WWP1: variants seen among roughly 807,000 people sequenced by gnomAD.
WWP1 encodes the protein NEDD4-like E3 ubiquitin-protein ligase WWP1.
Under a neutral mutation model 130.6 loss-of-function variants are expected in WWP1, and 49 were observed. The ratio of observed to expected loss-of-function variants is 0.38; its 90% confidence interval spans 0.30 to 0.48. The LOEUF is 0.48. WWP1 is among the 20% of genes least tolerant of loss of function. The pLI is 0.99. For synonymous variants in WWP1, 332 were observed against 367.8 expected (o/e 0.90, Z 1.11); for missense variants, 809 against 1,100.6 (o/e 0.74, Z 3.75).
chr8:86,414,225 T>TTG (rs1808742336), intron 9 of WWP1, among the ~76,000 whole-genome samples: 3 of 80,920 alleles, frequency 3.7e-5, no homozygotes, highest in Admixed American at 1.9e-4. Flanking sequence ...AAGTTTGTTT[T>TTG]TCTGTGTGTG....
At chr8:86,439,751 T>G (rs531897718) in intron 17 of WWP1, among the ~76,000 whole-genome samples, 9 of 152,210 alleles carry the variant, frequency 5.9e-5, no homozygotes, top group Non-Finnish European at 1.2e-4. Context: ...ATTTTGTCCC[T>G]TATTTGTTCT....
chr8:86,349,363 A>G (rs1357254459), intron 1 of WWP1, among the ~76,000 whole-genome samples: 1 of 152,232 alleles, frequency 6.6e-6, no homozygotes, highest in African/African-American at 2.4e-5. Context: ...GGGATACAGT[A>G]TCATTTCTGC....
chr8:86,359,391 A>G (rs1466827928), intron 1 of WWP1, among the ~76,000 whole-genome samples: 6 of 152,104 alleles, frequency 3.9e-5, no homozygotes, highest in African/African-American at 1.4e-4. Flanking sequence ...GATTGGTGCC[A>G]TTACTCAGCT....
rs561355148 is a variant in WWP1 at position 86,466,704 on chromosome 8, A to G, written c.2670-90A>G. On this transcript the variant is annotated intron_variant, in intron 24 of 24. Coordinates refer to ENST00000517970, the MANE Select transcript of WWP1 (RefSeq NM_007013.4). ...TAACATATATAGTATACATATATCC[A>G]TTCAGCATTTCTATGTGCTTTGAAA... 2.2e-5 allele frequency: 19 copies of G among 859,988 alleles called. No homozygotes were observed. The African/African-American group carries it at 2.7e-4, about 12-fold the overall frequency. The allele number at this position is 859,988 out of a possible 1,614,324, so 53.3% of individuals were successfully genotyped here. A position where few individuals can be genotyped will look rare whatever the true frequency, so the allele number is the denominator to read the frequency against.
chr8:86,454,688 A>T (rs192738829), intron 21 of WWP1, among the ~76,000 whole-genome samples: 1 of 152,062 alleles, frequency 6.6e-6, no homozygotes, highest in East Asian at 1.9e-4. Context: ...TGGGAGCCCT[A>T]TATTGAAGTG....
At chr8:86,441,868 A>G (rs1200586258) in intron 17 of WWP1, among the ~76,000 whole-genome samples, 2 of 152,210 alleles carry the variant, frequency 1.3e-5, no homozygotes, top group African/African-American at 4.8e-5. Flanking sequence ...ACCCTTCTTT[A>G]GAAGAAATTG....
intron 1 of WWP1, among the ~76,000 whole-genome samples, chr8:86,353,311 A>G (rs1454105796): frequency 1.3e-5 from 2 of 152,176 alleles, no homozygotes; most frequent in Non-Finnish European, 2.9e-5. Context: ...AGGATCCAAA[A>G]TCTGATCCTG....
At chr8:86,430,348 A>C (rs1170392383) in intron 11 of WWP1, among the ~76,000 whole-genome samples, 1 of 152,080 alleles carries the variant, frequency 6.6e-6, no homozygotes, top group African/African-American at 2.4e-5. Flanking sequence ...TAGTGTGATC[A>C]CAGTTCACTG....
chr8:86,387,276 G>T (rs1825336561), intron 5 of WWP1, among the ~76,000 whole-genome samples: 1 of 152,010 alleles, frequency 6.6e-6, no homozygotes, highest in Non-Finnish European at 1.5e-5. Flanking sequence ...TTATTGGAAA[G>T]ATATTTATAT....
intron 24 of WWP1, among the ~76,000 whole-genome samples, chr8:86,464,240 CTATT>C (rs757051807): frequency 2.0e-5 from 3 of 152,108 alleles, no homozygotes; most frequent in Non-Finnish European, 2.9e-5. Flanking sequence ...CCATTTCTAA[CTATT>C]TATCTGTGTG....
intron 3 of WWP1, among the ~76,000 whole-genome samples, chr8:86,378,279 T>A (rs1287243769): frequency 6.6e-6 from 1 of 152,192 alleles, no homozygotes; most frequent in Non-Finnish European, 1.5e-5. Context: ...TTGGAGCTAA[T>A]TGAAATATTT....
chr8:86,427,558 T>G, intron 10 of WWP1, 85 bp from the exon 11 acceptor site: 14 of 1,383,356 alleles, frequency 1.0e-5, no homozygotes, highest in Non-Finnish European at 1.3e-5. Flanking sequence ...GTCTTGAACT[T>G]GATATTTAAA....
At chr8:86,397,042 G>T (rs1807719948) in intron 5 of WWP1, among the ~76,000 whole-genome samples, 1 of 152,168 alleles carries the variant, frequency 6.6e-6, no homozygotes, top group Admixed American at 6.5e-5. Flanking sequence ...AGAAATTTCT[G>T]TCCGGTGATT....
rs114411299 is a variant in WWP1, at chr8:86,432,237, C to G, written c.1601+494C>G. Among the ~76,000 whole-genome samples, 547 of 152,266 alleles carry G rather than the reference C, an allele frequency of 3.6e-3. 2 individuals are homozygous for G. The highest frequency in any genetic ancestry group is 0.013 in the African/African-American group (520 of 41,538). ...CCTTAATTAAGCGGTTGACAGATCTCTCCTTCATTCTTACTCTAAGGTGTC... is the reference window on the plus strand; with the variant it reads ...CCTTAATTAAGCGGTTGACAGATCTGTCCTTCATTCTTACTCTAAGGTGTC... On this transcript the variant is annotated intron_variant, in intron 14 of 24. Coordinates refer to ENST00000517970, the MANE Select transcript of WWP1 (RefSeq NM_007013.4).
At chr8:86,382,233 T>G (rs1187072249) in intron 5 of WWP1, among the ~76,000 whole-genome samples, 2 of 152,188 alleles carry the variant, frequency 1.3e-5, no homozygotes, top group African/African-American at 2.4e-5. Flanking sequence ...AATATTAAGT[T>G]TCCATGATAC....
intron 1 of WWP1, among the ~76,000 whole-genome samples, chr8:86,366,388 C>T (rs1276753106): frequency 1.3e-5 from 2 of 152,110 alleles, no homozygotes; most frequent in Non-Finnish European, 2.9e-5. Flanking sequence ...TTGGAAATGT[C>T]TTTGATTAGG....
At position 86,468,426 on chromosome 8, in the gene WWP1, A is replaced by G. The variant is rs1812285265; in HGVS notation, c.*1533A>G. The G allele has an allele frequency of 2.3e-6, 1 of 436,888 alleles. No individual in the cohort carries two copies. Among genetic ancestry groups the G allele is most frequent in the South Asian group, 1.7e-5 (1 of 59,832 alleles). 27.1% of individuals were successfully genotyped at this position (436,888 alleles called of 1,614,324 possible). On this transcript the variant is annotated 3_prime_UTR_variant, in exon 25 of 25. Coordinates refer to ENST00000517970, the MANE Select transcript of WWP1 (RefSeq NM_007013.4). ...GAACACTCTGGTAATTTTCAAGCCT[A>G]AAGAATTAAAAAAAAAATTCTAATG...
intron 2 of WWP1, among the ~76,000 whole-genome samples, chr8:86,372,918 T>G (rs1824411646): frequency 6.6e-6 from 1 of 152,152 alleles, no homozygotes; most frequent in South Asian, 2.1e-4. Context: ...TTTGTTCTAT[T>G]TTTCTCTTTC....
At chr8:86,427,521 T>G in intron 10 of WWP1, 122 bp from the exon 11 acceptor site, 1 of 1,009,288 alleles carries the variant, frequency 9.9e-7, no homozygotes, top group Non-Finnish European at 1.4e-6. Flanking sequence ...TAGTTCATAG[T>G]TTTATATGTT....
Sources: allele counts gnomAD v4.1 joint callset (sites outside exome capture counted in the v4.1 genomes callset), GRCh38; gene constraint gnomAD v4.1.1; transcripts MANE v1.5; gene names NCBI Gene and HGNC (gene_info 2026-07-23, HGNC 2026-07-21).